The following NCEH1 variants were observed in gnomAD, a reference collection of about 807,000 sequenced individuals.
NCEH1 encodes the protein neutral cholesterol ester hydrolase 1, also known as 2-acetyl MAGE hydrolase.
A neutral mutation model predicts 25.4 loss-of-function variants in NCEH1; 9 were observed. The observed-to-expected ratio is 0.35, with a 90% CI of 0.21 to 0.62. The LOEUF (loss-of-function observed/expected upper bound fraction) is 0.62, where lower values mean the gene tolerates loss of function less well. Among genes scored for constraint, NCEH1 ranks in the 20% least tolerant of loss-of-function variants. NCEH1 has a pLI of 0.72. For missense variants in NCEH1, 412 were observed against 501.1 expected (o/e 0.82, Z 1.70); for synonymous variants, 200 against 199.8 (o/e 1.00, Z -0.01).
At chr3:172,704,452 T>C (rs970996160) in intron 1 of NCEH1, among the ~76,000 whole-genome samples, 2 of 152,172 alleles carry the variant, frequency 1.3e-5, no homozygotes, top group African/African-American at 2.4e-5. Flanking sequence ...TAGCCACATT[T>C]TCCTTCCATC....
At chr3:172,693,253 A>G (rs1369816501) in intron 1 of NCEH1, among the ~76,000 whole-genome samples, 1 of 152,228 alleles carries the variant, frequency 6.6e-6, no homozygotes, top group Non-Finnish European at 1.5e-5. Flanking sequence ...TTTCCTCCAT[A>G]AACAGAAAGA....
In NCEH1 at chr3:172,635,982, A is replaced by G. The variant is rs868073696; in HGVS notation, c.543T>C (p.Asp181=). ...KPEVLQKYMV[D]PGRICISGDS... ...CACCAGAAATGCAAATTCTGCCTGG[A>G]TCAACCATATACTTCTGTAAGACTT... is the stretch of plus-strand genomic sequence containing the variant. Residue 181 remains aspartate (D), a synonymous_variant, in exon 4 of 5, where the codon GAT becomes GAC. Transcript: ENST00000475381. 6.2e-7 allele frequency: 1 copy of G among 1,614,228 alleles called. No homozygotes were observed. Among genetic ancestry groups the G allele is most frequent in the South Asian group, 1.1e-5 (1 of 91,080 alleles).
chr3:172,652,262 T>G, intron 1 of NCEH1, among the ~76,000 whole-genome samples: 1 of 152,244 alleles, frequency 6.6e-6, no homozygotes, highest in East Asian at 1.9e-4. Context: ...AGGGTCTGCA[T>G]GAATGTCTTG....
rs377340483 is a variant in NCEH1 at position 172,634,076 on chromosome 3, C to T, written c.626G>A (p.Ser209Asn). ...TTGTAGTTTGAGCTTATTTTTTAGG[C>T]TGGCATCTTGAGTAAACTAGAGAAG... ...ALGQQFTQDA[S>N]LKNKLKLQAL... The change falls in exon 5 of 5, where the codon AGC becomes AAC. Residue 209 changes from serine (S) to asparagine (N), a missense_variant. This residue lies in a region of NCEH1 where 210 missense variants were observed against 258.2 expected (regional missense o/e 0.81). Coordinates refer to ENST00000475381, the MANE Select transcript of NCEH1 (RefSeq NM_020792.6). The T allele has an allele frequency of 1.2e-6, 2 of 1,613,004 alleles. No individual in the cohort carries two copies. Among genetic ancestry groups the T allele is most frequent in the African/African-American group, 1.3e-5 (1 of 74,834 alleles).
chr3:172,647,710 G>C (rs1717184658), intron 2 of NCEH1, among the ~76,000 whole-genome samples, 176 bp downstream of exon 2: 1 of 152,158 alleles, frequency 6.6e-6, no homozygotes, highest in African/African-American at 2.4e-5. Context: ...ACCCTTTTGA[G>C]AGTGAAAAGG....
chr3:172,657,892 T>C (rs1334250445), intron 1 of NCEH1, among the ~76,000 whole-genome samples: 2 of 152,184 alleles, frequency 1.3e-5, no homozygotes, highest in Non-Finnish European at 2.9e-5. Context: ...TCTTGCTGGG[T>C]CTCACAAACC....
intron 1 of NCEH1, among the ~76,000 whole-genome samples, chr3:172,667,080 T>G (rs914872621): frequency 6.6e-6 from 1 of 152,174 alleles, no homozygotes. Context: ...GCAATCTCCT[T>G]TCACACCACT....
intron 3 of NCEH1, among the ~76,000 whole-genome samples, chr3:172,637,320 T>C (rs554921503): frequency 6.6e-6 from 1 of 152,348 alleles, no homozygotes; most frequent in East Asian, 1.9e-4. Flanking sequence ...TAAAAACTAA[T>C]TACCTAATTA....
At chr3:172,644,876 G>A (rs906752646) in intron 3 of NCEH1, among the ~76,000 whole-genome samples, 5 of 152,088 alleles carry the variant, frequency 3.3e-5, no homozygotes, top group African/African-American at 4.8e-5. Flanking sequence ...TGGTTTGTCA[G>A]ATATTGATGA....
intron 1 of NCEH1, among the ~76,000 whole-genome samples, chr3:172,699,395 G>A (rs1386084430): frequency 6.6e-6 from 1 of 152,212 alleles, no homozygotes; most frequent in Non-Finnish European, 1.5e-5. Context: ...GGGATAGGAA[G>A]TGCGGGTGGG....
rs932821708 is a variant in NCEH1, at chr3:172,659,111, AC to A, written c.139-10998del. Among the ~76,000 whole-genome samples, 11 of 151,900 alleles carry A rather than the reference AC, an allele frequency of 7.2e-5. No individual in the cohort carries two copies. In the Middle Eastern group the frequency reaches 0.01, roughly 143 times the overall value. ...TGAACCCAAGCATTCTGGCTCCAAA[AC>A]CCTCAACCATCACCCTCTATTGCCA... is the stretch of plus-strand genomic sequence containing the variant. On this transcript the variant is annotated intron_variant, in intron 1 of 4. Coordinates refer to ENST00000475381, the MANE Select transcript of NCEH1 (RefSeq NM_020792.6).
At chr3:172,671,032 T>C (rs1408342115) in intron 1 of NCEH1, among the ~76,000 whole-genome samples, 1 of 152,220 alleles carries the variant, frequency 6.6e-6, no homozygotes, top group African/African-American at 2.4e-5. Flanking sequence ...GAAATAATCA[T>C]TCTTTTATCC....
At chr3:172,688,373 C>T (rs1009683651) in intron 1 of NCEH1, among the ~76,000 whole-genome samples, 22 of 147,470 alleles carry the variant, frequency 1.5e-4, no homozygotes, top group Admixed American at 4.7e-4. Context: ...ATGGAGATTA[C>T]GGAGACTCTA....
At chr3:172,661,361 G>T (rs113789848) in intron 1 of NCEH1, among the ~76,000 whole-genome samples, 2,015 of 152,280 alleles carry the variant, frequency 0.013, 43 homozygotes, top group East Asian at 0.091. Context: ...GTACCATGCT[G>T]TTTTGGTTAC....
At position 172,638,275 on chromosome 3, in the gene NCEH1, C is replaced by CAAAAAAAA. The variant is rs1560178436; in HGVS notation, c.438-2189_438-2188insTTTTTTTT. Among the ~76,000 whole-genome samples, 8 of 81,900 alleles carry CAAAAAAAA rather than the reference C, an allele frequency of 9.8e-5. 2 individuals carry two copies. The highest frequency in any genetic ancestry group is 2.9e-4 in the African/African-American group (7 of 24,382). The allele number at this position is 81,900 out of a possible 152,430, so 53.7% of individuals were successfully genotyped here. On this transcript the variant is annotated intron_variant, in intron 3 of 4. Coordinates refer to ENST00000475381, the MANE Select transcript of NCEH1 (RefSeq NM_020792.6). Reference sequence around the variant, plus strand: ...CCTGGGCGACAGAACGAGACTCTGTCCAAAAAAAAAAAAAAAAAAAAAAAA... The same window carrying CAAAAAAAA: ...CCTGGGCGACAGAACGAGACTCTGTCAAAAAAAACAAAAAAAAAAAAAAAAAAAAAAAA...
intron 1 of NCEH1, among the ~76,000 whole-genome samples, chr3:172,674,538 T>G (rs1711834979): frequency 6.6e-6 from 1 of 151,752 alleles, no homozygotes; most frequent in African/African-American, 2.4e-5. Context: ...TATCCTTTCC[T>G]GTCAAAATTT....
intron 1 of NCEH1, among the ~76,000 whole-genome samples, chr3:172,658,217 C>T (rs563998403): frequency 8.2e-4 from 125 of 152,312 alleles, no homozygotes; most frequent in Non-Finnish European, 1.4e-3. Context: ...TTTACAAATG[C>T]CACCGCAACA....
In NCEH1 at chr3:172,645,663, C is replaced by T; in HGVS notation, c.397G>A (p.Ala133Thr). 6.3e-7 allele frequency: 1 copy of T among 1,599,108 alleles called. No individual in the cohort carries two copies. ...KIRYYDELCT[A>T]MAEELNAVIV... Reference sequence around the variant, plus strand: ...ACAGCATTCAATTCCTCAGCCATTGCTGTACACAGCTCATCATAATACCTG... The same window carrying T: ...ACAGCATTCAATTCCTCAGCCATTGTTGTACACAGCTCATCATAATACCTG... The change falls in exon 3 of 5, where the codon GCA becomes ACA. Residue 133 changes from alanine (A) to threonine (T), a missense_variant. Physicochemically the swap from Ala to Thr is moderately conservative, Grantham distance 58. Transcript: ENST00000475381.
At chr3:172,636,233 A>G in intron 3 of NCEH1, 146 bp from the exon 4 acceptor site, 1 of 489,934 alleles carries the variant, frequency 2.0e-6, no homozygotes, top group Non-Finnish European at 3.5e-6. Context: ...AAAAAATAAT[A>G]AAATATAAAA....
Sources: allele counts gnomAD v4.1 joint callset (sites outside exome capture counted in the v4.1 genomes callset), GRCh38; gene constraint gnomAD v4.1.1; regional missense constraint gnomAD v4.1.1; transcripts MANE v1.5; gene names NCBI Gene and HGNC (gene_info 2026-07-23, HGNC 2026-07-21).